The following GTF2IRD1 variants were observed in gnomAD, a reference collection of about 807,000 sequenced individuals.
GTF2IRD1 encodes the protein GTF2I repeat domain containing 1.
In GTF2IRD1, 26 loss-of-function variants were observed where a neutral mutation model predicts 113.2. The observed-to-expected ratio is 0.23, with a 90% CI of 0.17 to 0.32. The LOEUF is 0.32. Among genes scored for constraint, GTF2IRD1 ranks in the 10% least tolerant of loss-of-function variants. The probability of loss-of-function intolerance (pLI) is 1.00; values close to 1 mark genes in which losing one functional copy is unlikely to be tolerated. For missense variants in GTF2IRD1, 864 were observed against 1,280.8 expected (o/e 0.67, Z 4.97); for synonymous variants, 484 against 529.1 (o/e 0.91, Z 1.17).
intron 3 of GTF2IRD1, among the ~76,000 whole-genome samples, chr7:74,514,609 A>C (rs1584568523): frequency 1.3e-5 from 2 of 149,376 alleles, no homozygotes; most frequent in Non-Finnish European, 1.5e-5. Flanking sequence ...ATCCACCAAC[A>C]CTCTCCGGTC....
chr7:74,553,951 C>T (rs1408605766), intron 17 of GTF2IRD1, among the ~76,000 whole-genome samples: 2 of 152,190 alleles, frequency 1.3e-5, no homozygotes, highest in South Asian at 2.1e-4. Context: ...GCCCTGGCCC[C>T]GTGACCCCAG....
intron 1 of GTF2IRD1, among the ~76,000 whole-genome samples, chr7:74,457,605 A>G (rs781858331): frequency 4.3e-4 from 65 of 151,906 alleles, no homozygotes; most frequent in Middle Eastern, 3.4e-3. Context: ...TCTTCTCCCA[A>G]CCTTAACCCT....
At chr7:74,515,292 C>T in intron 3 of GTF2IRD1, 149 bp from the exon 4 acceptor site, 3 of 1,492,714 alleles carry the variant, frequency 2.0e-6, no homozygotes, top group Admixed American at 2.0e-5. Context: ...AGGGCTTGCT[C>T]ACTCATTAAT....
rs529084662 is a variant in GTF2IRD1, at chr7:74,514,045, C to T, written c.265+1074C>T. ...ATGGTATAGCATGAGGTTAAGAGAA[C>T]GGGCCGCCTGGGTCCACAACTGCTG... On this transcript the variant is annotated intron_variant, in intron 3 of 26. Transcript: ENST00000424337. 3.9e-5 allele frequency among the ~76,000 whole-genome samples: 6 copies of T among 152,166 alleles called. No homozygotes were observed. The South Asian group carries it at 1.0e-3, about 26-fold the overall frequency.
At chr7:74,511,216 G>A (rs549181311) in intron 2 of GTF2IRD1, among the ~76,000 whole-genome samples, 2 of 152,164 alleles carry the variant, frequency 1.3e-5, no homozygotes, top group Non-Finnish European at 2.9e-5. Flanking sequence ...GGGTGACAAT[G>A]ATATTTGCTT....
intron 1 of GTF2IRD1, among the ~76,000 whole-genome samples, chr7:74,457,883 T>G (rs111645064): frequency 0.01 from 1,551 of 149,056 alleles, 22 homozygotes; most frequent in African/African-American, 0.034. Flanking sequence ...TTTTGTTTTT[T>G]TTTTTTTTTT....
At chr7:74,538,214 G>A (rs1554350712) in intron 12 of GTF2IRD1, 41 bp downstream of exon 12, 1 of 1,598,022 alleles carries the variant, frequency 6.3e-7, no homozygotes, top group African/African-American at 1.3e-5. Context: ...GGTGGGCCGG[G>A]AGGGCAACCA....
rs587598537 is a variant in GTF2IRD1 at position 74,574,940 on chromosome 7, A to C, written c.2321-14911A>C. ...TCCGTTTCTACTAAAAATACAAAAAATTAGCCCAGCATCATGACACACACC... is the reference window on the plus strand; with the variant it reads ...TCCGTTTCTACTAAAAATACAAAAACTTAGCCCAGCATCATGACACACACC... On this transcript the variant is annotated intron_variant, in intron 22 of 26. Coordinates refer to ENST00000424337, the MANE Select transcript of GTF2IRD1 (RefSeq NM_005685.4). Among the ~76,000 whole-genome samples, 31 of 152,184 alleles carry C rather than the reference A, an allele frequency of 2.0e-4. No individual in the cohort carries two copies. In the South Asian group the frequency reaches 6.2e-3, roughly 31 times the overall value.
rs57709776 is a variant in GTF2IRD1, at chr7:74,537,721, A to C, written c.1410-415A>C. ...GGGAATTAACCAAATCATCTGTCCC[A>C]GGGTTCCTGCCACCTTCATTCCCCA... On this transcript the variant is annotated intron_variant, in intron 11 of 26. Transcript: ENST00000424337. Among the ~76,000 whole-genome samples, 384 of 152,266 alleles carry C rather than the reference A, an allele frequency of 2.5e-3. 2 individuals are homozygous for C. The East Asian group carries it at 0.026, about 10-fold the overall frequency.
intron 1 of GTF2IRD1, among the ~76,000 whole-genome samples, chr7:74,465,830 C>G (rs192670468): frequency 2.3e-3 from 357 of 152,224 alleles, no homozygotes; most frequent in African/African-American, 7.7e-3. Context: ...AGTGCAGTGG[C>G]AGGATCTCGG....
chr7:74,473,379 G>A (rs546881558), intron 1 of GTF2IRD1, among the ~76,000 whole-genome samples: 1 of 152,058 alleles, frequency 6.6e-6, no homozygotes. Context: ...AAGAGCTCTG[G>A]AAACTTCTGT....
intron 9 of GTF2IRD1, 99 bp from the exon 10 acceptor site, chr7:74,535,014 C>G (rs1463176280): frequency 2.1e-6 from 2 of 951,778 alleles, no homozygotes; most frequent in South Asian, 2.6e-5. Context: ...ATGTGTCACT[C>G]AGTGACCATC....
chr7:74,476,888 G>A (rs1461748170), intron 1 of GTF2IRD1, among the ~76,000 whole-genome samples: 13 of 152,120 alleles, frequency 8.5e-5, no homozygotes, highest in African/African-American at 2.2e-4. Flanking sequence ...ATTCACCCCC[G>A]TTCAGGGACT....
At chr7:74,467,296 C>T (rs1340358749) in intron 1 of GTF2IRD1, among the ~76,000 whole-genome samples, 1 of 152,258 alleles carries the variant, frequency 6.6e-6, no homozygotes, top group African/African-American at 2.4e-5. Context: ...CTCTACCCAT[C>T]CCAGGAGCTG....
intron 13 of GTF2IRD1, 59 bp downstream of exon 13, chr7:74,538,819 T>G: frequency 1.1e-6 from 1 of 924,714 alleles, no homozygotes; most frequent in Non-Finnish European, 1.8e-6. Flanking sequence ...GTTAGCCTCC[T>G]GAGGGTCTGC....
chr7:74,557,389 T>A (rs1799665095), intron 19 of GTF2IRD1, among the ~76,000 whole-genome samples: 1 of 152,214 alleles, frequency 6.6e-6, no homozygotes, highest in African/African-American at 2.4e-5. Flanking sequence ...TTTATTGGTT[T>A]GGTGGTTTTC....
intron 1 of GTF2IRD1, among the ~76,000 whole-genome samples, chr7:74,495,465 A>T (rs1366999258): frequency 6.6e-6 from 1 of 151,944 alleles, no homozygotes; most frequent in Non-Finnish European, 1.5e-5. Flanking sequence ...ATCCCTCACC[A>T]TTCACCTTCT....
At position 74,539,908 on chromosome 7, in the gene GTF2IRD1, G is replaced by C. The variant is rs1554351268; in HGVS notation, c.1558G>C (p.Asp520His). The C allele has an allele frequency of 2.5e-6, 4 of 1,613,082 alleles. No homozygotes were observed. The highest frequency in any genetic ancestry group is 1.1e-5 in the South Asian group (1 of 91,028). Residue 520 changes from aspartate to histidine, a missense_variant, in exon 14 of 27, where the codon GAC becomes CAC. This residue lies in a region of GTF2IRD1 where 218 missense variants were observed against 352.6 expected (regional missense o/e 0.62). Transcript: ENST00000424337. ...CTCGCCAACCTCTGAGGAAATGACA[G>C]ACTCGATGCCTGGGCACCTGCCATC... The part of the protein sequence containing the change: ...DPSPTSEEMT[D>H]SMPGHLPSED...
chr7:74,528,803 G>GGA (rs1797765823), intron 8 of GTF2IRD1, among the ~76,000 whole-genome samples: 9 of 51,402 alleles, frequency 1.8e-4, no homozygotes, highest in Middle Eastern at 0.012. Flanking sequence ...GGGTGGGTGG[G>GGA]TGGATGGATG....
Sources: allele counts gnomAD v4.1 joint callset (sites outside exome capture counted in the v4.1 genomes callset), GRCh38; gene constraint gnomAD v4.1.1; regional missense constraint gnomAD v4.1.1; transcripts MANE v1.5; gene names NCBI Gene and HGNC (gene_info 2026-07-23, HGNC 2026-07-21).